Variants in XKR5 observed in about 807,000 individuals in gnomAD.
XKR5 encodes the protein XK-related protein 5.
XKR5 carries 46 observed loss-of-function variants against 40.8 expected under a neutral mutation model. That is an observed-to-expected ratio of 1.13 (90% CI 0.89 to 1.44). The LOEUF (loss-of-function observed/expected upper bound fraction) is 1.44, where lower values mean the gene tolerates loss of function less well. XKR5 is among the 40% of genes most tolerant of loss of function. The pLI is 0.00. For missense variants in XKR5, 1,169 were observed against 844.7 expected, an observed-to-expected ratio of 1.38 and a Z score of -4.76; for synonymous variants, 466 against 356.1, an observed-to-expected ratio of 1.31 and a Z score of -3.48.
chr8:6,835,187 G>C (rs941718391), intron 1 of XKR5, among the ~76,000 whole-genome samples: 35 of 128,768 alleles, frequency 2.7e-4, no homozygotes, highest in African/African-American at 8.6e-4. Flanking sequence ...AGTCGGGAGG[G>C]GGGGGAACCG....
chr8:6,815,592 G>A (rs149963053), intron 6 of XKR5, among the ~76,000 whole-genome samples: 1 of 152,090 alleles, frequency 6.6e-6, no homozygotes, highest in African/African-American at 2.4e-5. Context: ...AGCTTTGCTT[G>A]AGGTTCCGAG....
chr8:6,822,019 C>A lies in XKR5; in HGVS notation c.657G>T (p.Met219Ile). The stretch of plus-strand genomic sequence containing the variant: ...TCTGCTGGGCGACAAGCCAGAATGT[C>A]ATCACCAGCCAGTGGGCACCTGCAG... ...FVVAGAHWLV[M>I]TFWLVAQQSD... Residue 219 changes from methionine to isoleucine, a missense_variant, in exon 5 of 7, where the codon ATG becomes ATT. Transcript: ENST00000618742. 6.2e-7 allele frequency: 1 copy of A among 1,604,792 alleles called. No homozygotes were observed. The highest frequency in any genetic ancestry group is 1.1e-5 in the South Asian group (1 of 89,426).
intron 2 of XKR5, among the ~76,000 whole-genome samples, chr8:6,828,952 C>T (rs1234082548): frequency 1.3e-5 from 2 of 152,182 alleles, no homozygotes; most frequent in Admixed American, 1.3e-4. Context: ...CCCATATACA[C>T]CACTTCTGGC....
At position 6,811,665 on chromosome 8, in the gene XKR5, T is replaced by G. The variant is rs1049868195; in HGVS notation, c.1594A>C (p.Arg532=). 2.0e-6 allele frequency: 3 copies of G among 1,537,550 alleles called. No homozygotes were observed. The highest frequency in any genetic ancestry group is 2.6e-6 in the Non-Finnish European group (3 of 1,147,028). Residue 532 remains arginine (R), a synonymous_variant, in exon 7 of 7, where the codon AGA becomes CGA. Coordinates refer to ENST00000618742, the MANE Select transcript of XKR5 (RefSeq NM_207411.5). ...TQGKGTGGQQ[R]GGEGQQSSTL... ...GAACTCTGCTGTCCTTCCCCTCCTC[T>G]CTGCTGCCCACCTGTCCCCTTCCCC...
Position 6,811,786 on chromosome 8 carries a change from G to A in XKR5, c.1473C>T (p.Ala491=), listed in dbSNP as rs1389543965. Residue 491 remains alanine (A), a synonymous_variant, in exon 7 of 7, where the codon GCC becomes GCT. Transcript: ENST00000618742. ...PLETSSYVSF[A]SDQQDEAPTQ... Reference sequence around the variant, plus strand: ...TAGGTGCTTCATCCTGCTGATCGCTGGCAAAAGATACGTAACTTGAGGTTT... The same window carrying A: ...TAGGTGCTTCATCCTGCTGATCGCTAGCAAAAGATACGTAACTTGAGGTTT... The A allele has an allele frequency of 2.0e-6, 3 of 1,537,536 alleles. No individual in the cohort carries two copies. The highest frequency in any genetic ancestry group is 2.7e-5 in the African/African-American group (2 of 73,028).
At chr8:6,833,514 C>T (rs1048116511) in intron 1 of XKR5, among the ~76,000 whole-genome samples, 3 of 152,146 alleles carry the variant, frequency 2.0e-5, no homozygotes, top group East Asian at 3.8e-4. Context: ...GCAGATTGCT[C>T]GACGTCAGGA....
At position 6,811,206 on chromosome 8, in the gene XKR5, A is replaced by G. The variant is rs963176368; in HGVS notation, c.2053T>C (p.Phe685Leu). The G allele has an allele frequency of 6.5e-6, 10 of 1,534,620 alleles. No homozygotes were observed. The highest frequency in any genetic ancestry group is 2.0e-5 in the Admixed American group (1 of 50,886). The change falls in exon 7 of 7, where the codon TTC becomes CTC. Residue 685 changes from phenylalanine to leucine, a missense_variant. Coordinates refer to ENST00000618742, the MANE Select transcript of XKR5 (RefSeq NM_207411.5). ...REQMKQEPSF[F>L]I Reference sequence around the variant, plus strand: ...TCCCACCATGACTGTGGTCAGATGAAAAAACTCGGCTCTTGCTTCATCTGT... The same window carrying G: ...TCCCACCATGACTGTGGTCAGATGAGAAAACTCGGCTCTTGCTTCATCTGT...
chr8:6,814,528 G>C (rs1047675096), intron 6 of XKR5, among the ~76,000 whole-genome samples: 14 of 152,152 alleles, frequency 9.2e-5, no homozygotes, highest in African/African-American at 3.1e-4. Flanking sequence ...GTGATGGAAG[G>C]GTTCTCCCTG....
In XKR5 at chr8:6,821,879, G is replaced by T. The variant is rs570446413; in HGVS notation, c.797C>A (p.Thr266Lys). 6.2e-7 allele frequency: 1 copy of T among 1,613,102 alleles called. No homozygotes were observed. Among genetic ancestry groups the T allele is most frequent in the African/African-American group, 1.3e-5 (1 of 74,894 alleles). ...AAAAGTGCCACTTGCCATGTAGAAC[G>T]TGACCATCCTATTTCTAGAAGGGCT... ...WDSPSRNRMV[T>K]FYMVMLLENI... The change falls in exon 5 of 7, where the codon ACG (threonine) becomes AAG (lysine). Residue 266 changes from threonine (T) to lysine (K), a missense_variant. Thr to Lys is a moderately conservative substitution (Grantham distance 78, BLOSUM62 -1). Coordinates refer to ENST00000618742, the MANE Select transcript of XKR5 (RefSeq NM_207411.5).
In XKR5 at chr8:6,823,771, C is replaced by A. The variant is rs368560712; in HGVS notation, c.428-41G>T. On this transcript the variant is annotated intron_variant, in intron 3 of 6. Transcript: ENST00000618742. ...AAAGATGTGGTATGCTCTGAAGATT[C>A]CGAAGTAACAGTACCTTGTGAAGAT... 207 of 1,486,192 alleles carry A rather than the reference C, an allele frequency of 1.4e-4. No homozygotes were observed. In the African/African-American group the frequency reaches 2.7e-3, roughly 19 times the overall value. 92.1% of individuals were successfully genotyped at this position (1,486,192 alleles called of 1,614,324 possible). A position where few individuals can be genotyped will look rare whatever the true frequency, so the allele number is the denominator to read the frequency against.
intron 1 of XKR5, among the ~76,000 whole-genome samples, chr8:6,833,217 A>C (rs1804851981): frequency 2.0e-5 from 3 of 152,162 alleles, no homozygotes; most frequent in African/African-American, 7.2e-5. Context: ...ACTAGGGACC[A>C]CCCTTATACC....
chr8:6,822,136 A>G (rs1804270077), intron 4 of XKR5, 98 bp from the exon 5 acceptor site: 2 of 1,223,388 alleles, frequency 1.6e-6, no homozygotes, highest in Admixed American at 5.6e-5. Flanking sequence ...CTCCGACCAC[A>G]TTTGACTCAG....
chr8:6,818,709 G>C lies in XKR5; in HGVS notation c.808-2791C>G, dbSNP rs114876351. 5.0e-3 allele frequency among the ~76,000 whole-genome samples: 763 copies of C among 152,270 alleles called. 4 individuals are homozygous for C. Among genetic ancestry groups the C allele is most frequent in the African/African-American group, 0.018 (730 of 41,546 alleles). ...CCTACTGAGACAGAATCTCTGAGGG[G>C]GAGCCTGGGAATCGCCACTTTATAA... On this transcript the variant is annotated intron_variant, in intron 5 of 6. Coordinates refer to ENST00000618742, the MANE Select transcript of XKR5 (RefSeq NM_207411.5).
intron 2 of XKR5, 89 bp downstream of exon 2, chr8:6,832,628 C>A: frequency 3.9e-6 from 6 of 1,540,296 alleles, no homozygotes; most frequent in Non-Finnish European, 5.3e-6. Flanking sequence ...CTTTTATGAG[C>A]TTGAGGACAG....
chr8:6,832,621 T>C, intron 2 of XKR5, 96 bp downstream of exon 2: 1 of 1,511,484 alleles, frequency 6.6e-7, no homozygotes, highest in East Asian at 2.3e-5. Flanking sequence ...TGCTGAACTT[T>C]TATGAGCTTG....
At chr8:6,815,461 G>C (rs1327476592) in intron 6 of XKR5, among the ~76,000 whole-genome samples, 1 of 152,150 alleles carries the variant, frequency 6.6e-6, no homozygotes, top group African/African-American at 2.4e-5. Context: ...GCTGCAGGGG[G>C]TGCCATGTCA....
chr8:6,829,475 G>A (rs1049614045), intron 2 of XKR5, among the ~76,000 whole-genome samples: 5 of 152,148 alleles, frequency 3.3e-5, no homozygotes, highest in African/African-American at 1.2e-4. Flanking sequence ...TATTGGGAAC[G>A]TTAAAAAGAA....
chr8:6,825,948 C>G lies in XKR5; in HGVS notation c.243-599G>C, dbSNP rs549269528. ...CGGAGCTTGGAGGCTGATGTGGTCC[C>G]GGTGAAGTAGATCAGGGCCCTGAAC... is the stretch of plus-strand genomic sequence containing the variant. On this transcript the variant is annotated intron_variant, in intron 2 of 6. Transcript: ENST00000618742. Among the ~76,000 whole-genome samples, 3 of 152,108 alleles carry G rather than the reference C, an allele frequency of 2.0e-5. No homozygotes were observed. In the South Asian group the frequency reaches 6.3e-4, roughly 32 times the overall value.
At chr8:6,819,269 T>C (rs1283301470) in intron 5 of XKR5, among the ~76,000 whole-genome samples, 1 of 152,176 alleles carries the variant, frequency 6.6e-6, no homozygotes, top group African/African-American at 2.4e-5. Flanking sequence ...AGCTGCTGTC[T>C]CGAGGGCTGG....
Sources: gnomAD v4.1 joint callset for allele counts (sites outside exome capture counted in the v4.1 genomes callset) on GRCh38, gnomAD v4.1.1 for gene constraint, MANE v1.5 for transcripts, NCBI Gene and HGNC (gene_info 2026-07-23, HGNC 2026-07-21) for gene names.